Variants in XRCC5 observed in about 807,000 individuals in gnomAD.
XRCC5 encodes X-ray repair cross complementing 5.
XRCC5 carries 12 observed loss-of-function variants against 95.7 expected under a neutral mutation model. The ratio of observed to expected loss-of-function variants is 0.13; its 90% CI spans 0.08 to 0.20. The LOEUF (loss-of-function observed/expected upper bound fraction) is 0.20. XRCC5 is among the 10% of genes least tolerant of loss of function. XRCC5 has a pLI of 1.00. For synonymous variants in XRCC5, 281 were observed against 290.3 expected (o/e 0.97, Z 0.33); for missense variants, 595 against 873.9 (o/e 0.68, Z 4.02).
At chr2:216,155,236 C>CAAAAA (rs10674711) in intron 14 of XRCC5, among the ~76,000 whole-genome samples, 10 of 80,370 alleles carry the variant, frequency 1.2e-4, no homozygotes, top group South Asian at 4.7e-4. Flanking sequence ...ACTCCCATCT[C>CAAAAA]AAAAAAAAAA....
intron 16 of XRCC5, among the ~76,000 whole-genome samples, chr2:216,184,230 C>T (rs553514044): frequency 3.3e-5 from 5 of 152,042 alleles, no homozygotes; most frequent in African/African-American, 1.2e-4. Context: ...ATGTCACAAC[C>T]GTGTTAGAAC....
intron 3 of XRCC5, 161 bp downstream of exon 3, chr2:216,117,003 T>G: frequency 1.3e-6 from 1 of 753,572 alleles, no homozygotes; most frequent in Non-Finnish European, 2.1e-6. Flanking sequence ...AATGTGAAAT[T>G]AATCAGTTTA....
chr2:216,181,470 G>C (rs753074768), intron 16 of XRCC5, among the ~76,000 whole-genome samples: 1 of 152,270 alleles, frequency 6.6e-6, no homozygotes, highest in Non-Finnish European at 1.5e-5. Flanking sequence ...TGTGAACCTT[G>C]TATTCAAACC....
intron 19 of XRCC5, among the ~76,000 whole-genome samples, chr2:216,202,316 G>A (rs567307407): frequency 3.3e-5 from 5 of 152,194 alleles, no homozygotes; most frequent in African/African-American, 1.2e-4. Context: ...AATCATGCAG[G>A]GGTTAATGAC....
intron 16 of XRCC5, among the ~76,000 whole-genome samples, chr2:216,188,084 C>T (rs1689541272): frequency 6.6e-6 from 1 of 151,908 alleles, no homozygotes; most frequent in African/African-American, 2.4e-5. Flanking sequence ...TTTTTTCTTC[C>T]CCTATTTCTG....
At chr2:216,126,604 T>C (rs536733761) in intron 7 of XRCC5, among the ~76,000 whole-genome samples, 2 of 152,348 alleles carry the variant, frequency 1.3e-5, no homozygotes, top group South Asian at 4.1e-4. Context: ...ATGCGTGCCT[T>C]CATATAAGCC....
intron 18 of XRCC5, among the ~76,000 whole-genome samples, chr2:216,193,557 A>C (rs1055818657): frequency 2.0e-5 from 3 of 152,212 alleles, no homozygotes; most frequent in Non-Finnish European, 2.9e-5. Context: ...CCTGACAGTT[A>C]ATTTTTCAGC....
intron 13 of XRCC5, among the ~76,000 whole-genome samples, chr2:216,146,244 A>T (rs1306127311): frequency 6.6e-6 from 1 of 152,240 alleles, no homozygotes; most frequent in Non-Finnish European, 1.5e-5. Context: ...GGAGAAGCGC[A>T]TGGAATTTCT....
chr2:216,131,201 A>G, intron 9 of XRCC5: 1 of 985,416 alleles, frequency 1.0e-6, no homozygotes, highest in African/African-American at 1.7e-5. Context: ...ATAGCAAACT[A>G]AAAATACAGG....
Position 216,119,154 on chromosome 2 carries a change from C to T in XRCC5, c.480C>T (p.Ser160=), listed in dbSNP as rs1160990733. Residue 160 remains serine, a synonymous_variant, in exon 5 of 21, where the codon TCC becomes TCT. Transcript: ENST00000392132. ...ATAGCTTGAAGAAATGTGACATCTC[C>T]CTGCAATTCTTGTAAGATCCTAAGA... The part of the protein sequence containing the change: ...IIHSLKKCDI[S]LQFFLPFSLG... The T allele has an allele frequency of 6.2e-6, 10 of 1,613,904 alleles. No homozygotes were observed. The highest frequency in any genetic ancestry group is 8.5e-6 in the Non-Finnish European group (10 of 1,179,950).
At chr2:216,158,421 A>C (rs1310062609) in intron 14 of XRCC5, among the ~76,000 whole-genome samples, 14 of 152,050 alleles carry the variant, frequency 9.2e-5, no homozygotes, top group Admixed American at 9.2e-4. Context: ...AGGTCTTTTG[A>C]CTCCAACTCT....
At chr2:216,181,303 T>C (rs1255978917) in intron 16 of XRCC5, among the ~76,000 whole-genome samples, 1 of 152,186 alleles carries the variant, frequency 6.6e-6, no homozygotes, top group Non-Finnish European at 1.5e-5. Flanking sequence ...TTCTCCTTCA[T>C]TCCTGCCCAT....
intron 16 of XRCC5, among the ~76,000 whole-genome samples, chr2:216,170,418 A>G (rs1213914969): frequency 6.6e-6 from 1 of 152,190 alleles, no homozygotes; most frequent in Non-Finnish European, 1.5e-5. Context: ...CATCATAACT[A>G]GATGAGCCCA....
At chr2:216,165,787 A>C (rs1387821440) in intron 16 of XRCC5, among the ~76,000 whole-genome samples, 1 of 152,224 alleles carries the variant, frequency 6.6e-6, no homozygotes, top group African/African-American at 2.4e-5. Context: ...CCTTAGGTAG[A>C]ACTCGGCTGT....
At chr2:216,183,124 A>G (rs189444852) in intron 16 of XRCC5, among the ~76,000 whole-genome samples, 2 of 152,350 alleles carry the variant, frequency 1.3e-5, no homozygotes, top group East Asian at 1.9e-4. Flanking sequence ...TCCCACTACC[A>G]TATTTGTTAC....
intron 14 of XRCC5, among the ~76,000 whole-genome samples, chr2:216,153,348 G>A (rs572283443): frequency 6.6e-6 from 1 of 152,176 alleles, no homozygotes; most frequent in Admixed American, 6.5e-5. Context: ...ATTCCTGTGG[G>A]GGCTGCTTTT....
chr2:216,154,788 C>G (rs1574469233), intron 14 of XRCC5, among the ~76,000 whole-genome samples: 1 of 152,028 alleles, frequency 6.6e-6, no homozygotes, highest in African/African-American at 2.4e-5. Flanking sequence ...CATCTTTGGA[C>G]CCCCAATTAA....
intron 8 of XRCC5, among the ~76,000 whole-genome samples, chr2:216,130,010 A>G (rs937331182): frequency 1.3e-5 from 2 of 152,102 alleles, no homozygotes; most frequent in Non-Finnish European, 2.9e-5. Context: ...AATAAATGTC[A>G]TCAACAGACT....
At chr2:216,170,589 A>G (rs896839082) in intron 16 of XRCC5, among the ~76,000 whole-genome samples, 1 of 152,066 alleles carries the variant, frequency 6.6e-6, no homozygotes, top group Non-Finnish European at 1.5e-5. Context: ...TGATTCATTC[A>G]CCTCCTACCA....
Sources: allele counts gnomAD v4.1 joint callset (sites outside exome capture counted in the v4.1 genomes callset), GRCh38; gene constraint gnomAD v4.1.1; transcripts MANE v1.5; gene names NCBI Gene and HGNC (gene_info 2026-07-23, HGNC 2026-07-21).